Variants in BCO1 observed in about 807,000 individuals in gnomAD.
BCO1 encodes beta,beta-carotene 15,15'-dioxygenase.
BCO1 carries 54 observed loss-of-function variants against 56.3 expected under a neutral mutation model. The observed-to-expected ratio is 0.96, with a 90% CI of 0.77 to 1.20. The LOEUF is 1.20. Among genes scored for constraint, BCO1 ranks in the 50% most tolerant of loss-of-function variants. The probability of loss-of-function intolerance (pLI) is 0.00; values close to 1 mark genes in which losing one functional copy is unlikely to be tolerated. For missense variants in BCO1, 801 were observed against 690.9 expected, an observed-to-expected ratio of 1.16 and a Z score of -1.79; for synonymous variants, 318 against 266.1, an observed-to-expected ratio of 1.20 and a Z score of -1.90.
chr16:81,280,505 C>T (rs186785204), intron 7 of BCO1, among the ~76,000 whole-genome samples: 93 of 152,098 alleles, frequency 6.1e-4, no homozygotes, highest in African/African-American at 2.1e-3. Flanking sequence ...ATCCTTTTAA[C>T]GACTGATGCA....
chr16:81,252,965 CA>C (rs1476101819), intron 2 of BCO1, among the ~76,000 whole-genome samples: 1 of 152,062 alleles, frequency 6.6e-6, no homozygotes, highest in East Asian at 1.9e-4. Context: ...AAATATTAGC[CA>C]GGCATGGTGG....
chr16:81,273,279 G>A (rs151230542), intron 7 of BCO1, among the ~76,000 whole-genome samples: 16 of 152,182 alleles, frequency 1.1e-4, no homozygotes, highest in Admixed American at 3.3e-4. Flanking sequence ...CACCGTGGCC[G>A]GCCCTAAACC....
At chr16:81,253,449 T>A (rs957091844) in intron 2 of BCO1, among the ~76,000 whole-genome samples, 1 of 152,220 alleles carries the variant, frequency 6.6e-6, no homozygotes, top group African/African-American at 2.4e-5. Flanking sequence ...TGGTACATGA[T>A]GAAGCCAGGA....
intron 2 of BCO1, among the ~76,000 whole-genome samples, chr16:81,251,880 G>A (rs1905827548): frequency 6.6e-6 from 1 of 150,662 alleles, no homozygotes; most frequent in Admixed American, 6.6e-5. Context: ...ATATATGTGT[G>A]TGTGTGTGTG....
At chr16:81,262,585 T>C (rs1215118650) in intron 4 of BCO1, 2 of 375,404 alleles carry the variant, frequency 5.3e-6, no homozygotes, top group South Asian at 2.1e-5. Flanking sequence ...TCCAGCACTT[T>C]GGGAGGTCAA....
intron 5 of BCO1, among the ~76,000 whole-genome samples, chr16:81,267,567 C>G (rs1196876510): frequency 1.3e-5 from 2 of 152,136 alleles, no homozygotes; most frequent in Non-Finnish European, 1.5e-5. Flanking sequence ...GGGCTGAGAT[C>G]GTGCCCCTAC....
chr16:81,284,766 T>C lies in BCO1; in HGVS notation c.1208-774T>C, dbSNP rs536983537. Among the ~76,000 whole-genome samples the C allele has an allele frequency of 2.0e-5, 3 of 152,032 alleles. No homozygotes were observed. The East Asian group carries it at 5.8e-4, about 29-fold the overall frequency. ...TCCCAAAGTGCTGGGATTACAGGCA[T>C]GAGCCACCATGCCTAGCACAGCTTC... is the stretch of plus-strand genomic sequence containing the variant. On this transcript the variant is annotated intron_variant, in intron 8 of 10. Coordinates refer to ENST00000258168, the MANE Select transcript of BCO1 (RefSeq NM_017429.3).
chr16:81,246,071 C>T (rs908336223), intron 2 of BCO1, among the ~76,000 whole-genome samples: 11 of 151,860 alleles, frequency 7.2e-5, no homozygotes, highest in African/African-American at 9.7e-5. Context: ...TCAGATGATC[C>T]GCCCACCTCG....
At chr16:81,275,247 T>A (rs550774452) in intron 7 of BCO1, among the ~76,000 whole-genome samples, 1 of 152,332 alleles carries the variant, frequency 6.6e-6, no homozygotes, top group African/African-American at 2.4e-5. Context: ...TGAAACCCTG[T>A]CCTCCTGGGC....
intron 1 of BCO1, among the ~76,000 whole-genome samples, chr16:81,240,222 G>A (rs1450101049): frequency 1.3e-5 from 2 of 151,958 alleles, no homozygotes; most frequent in Non-Finnish European, 2.9e-5. Context: ...AATAAAATCA[G>A]CTGTATTTTG....
intron 7 of BCO1, among the ~76,000 whole-genome samples, chr16:81,277,678 A>T (rs866719451): frequency 5.9e-5 from 9 of 152,318 alleles, no homozygotes; most frequent in Middle Eastern, 6.8e-3. Flanking sequence ...CTAGGGGATG[A>T]CAGTGATGAC....
At chr16:81,245,882 G>A (rs1015173201) in intron 2 of BCO1, among the ~76,000 whole-genome samples, 15 of 113,062 alleles carry the variant, frequency 1.3e-4, no homozygotes, top group Non-Finnish European at 2.6e-4. Flanking sequence ...TTTTCTCTGA[G>A]ACGGAGTTTT....
chr16:81,250,130 A>C (rs1463798482), intron 2 of BCO1, among the ~76,000 whole-genome samples: 1 of 152,170 alleles, frequency 6.6e-6, no homozygotes, highest in African/African-American at 2.4e-5. Context: ...TGAGGAGGAT[A>C]GCCTGGGGAC....
In BCO1 at chr16:81,251,391, C is replaced by T. The variant is rs533994703; in HGVS notation, c.193+5788C>T. On this transcript the variant is annotated intron_variant, in intron 2 of 10. Transcript: ENST00000258168. The stretch of plus-strand genomic sequence containing the variant: ...CTGGGTAACATAGTGAGACCTGGTA[C>T]CTACCAGAAAATCAAAAAGTTATCC... Among the ~76,000 whole-genome samples the T allele has an allele frequency of 1.3e-3, 193 of 151,932 alleles. 1 individual carries two copies. Among genetic ancestry groups the T allele is most frequent in the African/African-American group, 4.3e-3 (180 of 41,438 alleles).
chr16:81,272,066 T>C (rs771159789), intron 7 of BCO1, among the ~76,000 whole-genome samples: 54 of 151,514 alleles, frequency 3.6e-4, no homozygotes, highest in Non-Finnish European at 7.1e-4. Flanking sequence ...TTTCTTTTTA[T>C]GGATTAATAG....
intron 2 of BCO1, among the ~76,000 whole-genome samples, chr16:81,255,818 T>A (rs1333258222): frequency 1.3e-5 from 2 of 151,104 alleles, no homozygotes; most frequent in Non-Finnish European, 2.9e-5. Context: ...CTTTCTTTCT[T>A]TTTATTTATT....
intron 2 of BCO1, among the ~76,000 whole-genome samples, chr16:81,256,228 C>T (rs1328824959): frequency 1.3e-5 from 2 of 151,992 alleles, no homozygotes; most frequent in Admixed American, 1.3e-4. Flanking sequence ...CAGTGTTTAG[C>T]ATGCTGGTGC....
intron 1 of BCO1, among the ~76,000 whole-genome samples, chr16:81,244,113 C>T (rs1023825715): frequency 6.6e-6 from 1 of 152,234 alleles, no homozygotes; most frequent in Non-Finnish European, 1.5e-5. Context: ...CCTGCCCCAC[C>T]CGCAGTCAGA....
At chr16:81,266,264 T>C (rs890771330) in intron 5 of BCO1, among the ~76,000 whole-genome samples, 3 of 152,132 alleles carry the variant, frequency 2.0e-5, no homozygotes, top group Non-Finnish European at 2.9e-5. Context: ...CTGACTGTGA[T>C]TGCATGATCC....
Sources: allele counts gnomAD v4.1 joint callset (sites outside exome capture counted in the v4.1 genomes callset), GRCh38; gene constraint gnomAD v4.1.1; transcripts MANE v1.5; gene names NCBI Gene and HGNC (gene_info 2026-07-23, HGNC 2026-07-21).